Variants in CAMK1D observed in about 807,000 individuals in gnomAD.
CAMK1D encodes calcium/calmodulin dependent protein kinase ID.
CAMK1D carries 9 observed loss-of-function variants against 47.7 expected under a neutral mutation model. The observed-to-expected ratio is 0.19, with a 90% CI of 0.11 to 0.33. The LOEUF (loss-of-function observed/expected upper bound fraction) is 0.33. Ranked by LOEUF, CAMK1D falls within the 10% of genes least tolerant of loss-of-function variation. The probability of loss-of-function intolerance (pLI) is 1.00; values close to 1 mark genes in which losing one functional copy is unlikely to be tolerated. For missense variants in CAMK1D, 291 were observed against 488.7 expected, an observed-to-expected ratio of 0.60 and a Z score of 3.81; for synonymous variants, 184 against 184.9, an observed-to-expected ratio of 0.99 and a Z score of 0.04.
At chr10:12,740,000 A>C (rs553391470) in intron 3 of CAMK1D, among the ~76,000 whole-genome samples, 2 of 152,236 alleles carry the variant, frequency 1.3e-5, no homozygotes, top group African/African-American at 2.4e-5. Flanking sequence ...TATGCCAAAT[A>C]TATTTCCTAC....
chr10:12,456,790 T>A (rs939216019), intron 1 of CAMK1D, among the ~76,000 whole-genome samples: 35 of 62,518 alleles, frequency 5.6e-4, no homozygotes, highest in South Asian at 9.8e-4. Flanking sequence ...AAAAAAAAAA[T>A]CTCTACCTTT....
chr10:12,354,789 C>T lies in CAMK1D; in HGVS notation c.92+4879C>T, dbSNP rs576736031. Among the ~76,000 whole-genome samples, 30 of 151,482 alleles carry T rather than the reference C, an allele frequency of 2.0e-4. No homozygotes were observed. The East Asian group carries it at 5.1e-3, about 26-fold the overall frequency. On this transcript the variant is annotated intron_variant, in intron 1 of 10. Coordinates refer to ENST00000619168, the MANE Select transcript of CAMK1D (RefSeq NM_153498.4). ...TAAGGAGGGCACTTGCTTTTGTTCC[C>T]GAGGGGCTTTCCTTGTGTGGCTAGG...
chr10:12,741,878 T>G (rs1330920419), intron 3 of CAMK1D, among the ~76,000 whole-genome samples: 2 of 152,082 alleles, frequency 1.3e-5, no homozygotes, highest in African/African-American at 2.4e-5. Flanking sequence ...AGGATGGACA[T>G]TTACATCCTC....
intron 2 of CAMK1D, among the ~76,000 whole-genome samples, chr10:12,666,329 TG>T (rs1271656502): frequency 6.6e-6 from 1 of 152,022 alleles, no homozygotes; most frequent in East Asian, 1.9e-4. Flanking sequence ...ATGCCTGTCA[TG>T]GGGGATAGAT....
At chr10:12,444,056 G>A (rs1832861430) in intron 1 of CAMK1D, among the ~76,000 whole-genome samples, 1 of 152,146 alleles carries the variant, frequency 6.6e-6, no homozygotes, top group African/African-American at 2.4e-5. Flanking sequence ...AATCTGTCAT[G>A]GCGCTGGCGG....
chr10:12,422,604 A>G (rs1840092701), intron 1 of CAMK1D, among the ~76,000 whole-genome samples: 1 of 152,236 alleles, frequency 6.6e-6, no homozygotes, highest in Non-Finnish European at 1.5e-5. Context: ...AATGGAAAGC[A>G]GGATTTGGGC....
chr10:12,623,042 TCC>T (rs1839047738), intron 2 of CAMK1D, among the ~76,000 whole-genome samples: 2 of 60,166 alleles, frequency 3.3e-5, no homozygotes, highest in Non-Finnish European at 5.9e-5. Context: ...CCTTCGCCCT[TCC>T]CTCCCTCCCT....
At chr10:12,483,105 CTGGG>C (rs1554775769) in intron 1 of CAMK1D, among the ~76,000 whole-genome samples, 1 of 152,222 alleles carries the variant, frequency 6.6e-6, no homozygotes, top group Non-Finnish European at 1.5e-5. Context: ...GCATTGCTGT[CTGGG>C]TGGACCTGGG....
chr10:12,378,814 C>CTTTTTTTTTTTTTTTTT (rs11291856), intron 1 of CAMK1D, among the ~76,000 whole-genome samples: 1 of 122,814 alleles, frequency 8.1e-6, no homozygotes. Flanking sequence ...TTTTTCTTTT[C>CTTTTTTTTTTTTTTTTT]TTTTTTTTTT....
chr10:12,408,677 C>G (rs1036330396), intron 1 of CAMK1D, among the ~76,000 whole-genome samples: 4 of 152,108 alleles, frequency 2.6e-5, no homozygotes, highest in African/African-American at 9.7e-5. Flanking sequence ...GGAAAATTTG[C>G]TGACTCCAGG....
At chr10:12,477,262 G>T (rs780880547) in intron 1 of CAMK1D, among the ~76,000 whole-genome samples, 1 of 152,066 alleles carries the variant, frequency 6.6e-6, no homozygotes, top group South Asian at 2.1e-4. Flanking sequence ...CTAAAAATAC[G>T]AAAATTAACT....
At chr10:12,488,895 C>G (rs1482587046) in intron 1 of CAMK1D, among the ~76,000 whole-genome samples, 3 of 152,176 alleles carry the variant, frequency 2.0e-5, no homozygotes, top group Non-Finnish European at 2.9e-5. Flanking sequence ...TGAGGTTTCG[C>G]TCACTTGCCG....
chr10:12,537,214 C>T (rs967066773), intron 1 of CAMK1D, among the ~76,000 whole-genome samples: 2 of 152,074 alleles, frequency 1.3e-5, no homozygotes, highest in Non-Finnish European at 2.9e-5. Context: ...TGGGATTACA[C>T]ATGTGTACCA....
Position 12,446,252 on chromosome 10 carries a change from C to T in CAMK1D, c.92+96342C>T, listed in dbSNP as rs917117435. 4.6e-5 allele frequency among the ~76,000 whole-genome samples: 7 copies of T among 152,124 alleles called. No individual in the cohort carries two copies. The South Asian group carries it at 6.2e-4, about 14-fold the overall frequency. ...GGCTAATCCATAGACAGAGCAGCCC[C>T]GAGGGCTGCTGGTTTCCCACTTTTA... is the stretch of plus-strand genomic sequence containing the variant. On this transcript the variant is annotated intron_variant, in intron 1 of 10. Transcript: ENST00000619168.
intron 5 of CAMK1D, among the ~76,000 whole-genome samples, chr10:12,787,199 G>A (rs1408635947): frequency 1.3e-5 from 2 of 152,138 alleles, no homozygotes; most frequent in East Asian, 3.9e-4. Flanking sequence ...ATAAAAATTA[G>A]CCCCTTGCTT....
intron 3 of CAMK1D, among the ~76,000 whole-genome samples, chr10:12,672,362 A>G (rs1372988856): frequency 6.6e-6 from 1 of 151,604 alleles, no homozygotes; most frequent in East Asian, 2.0e-4. Context: ...ACGTTACATA[A>G]TTTTAGCTTT....
intron 1 of CAMK1D, among the ~76,000 whole-genome samples, chr10:12,504,266 C>T: frequency 6.8e-6 from 1 of 146,930 alleles, no homozygotes; most frequent in East Asian, 2.0e-4. Flanking sequence ...GAGCTGGAGA[C>T]CCAGGAAAGC....
chr10:12,438,971 A>G (rs1832707257), intron 1 of CAMK1D, among the ~76,000 whole-genome samples: 2 of 152,044 alleles, frequency 1.3e-5, no homozygotes, highest in African/African-American at 4.8e-5. Context: ...TTTCTATGGA[A>G]TTTTCCCCAA....
chr10:12,695,158 A>G (rs559198361), intron 3 of CAMK1D, among the ~76,000 whole-genome samples: 2 of 152,262 alleles, frequency 1.3e-5, no homozygotes, highest in East Asian at 1.9e-4. Context: ...ATAGGAGCTT[A>G]TATTGTAGTA....
Sources: allele counts gnomAD v4.1 joint callset (sites outside exome capture counted in the v4.1 genomes callset), GRCh38; gene constraint gnomAD v4.1.1; transcripts MANE v1.5; gene names NCBI Gene and HGNC (gene_info 2026-07-23, HGNC 2026-07-21).